TPD52L1: variants seen among roughly 807,000 people sequenced by gnomAD.
TPD52L1 encodes the protein tumor protein D53.
A neutral mutation model predicts 28.7 loss-of-function variants in TPD52L1; 18 were observed. The observed-to-expected ratio is 0.63, with a 90% CI of 0.43 to 0.93. TPD52L1 has a LOEUF of 0.93. Among genes scored for constraint, TPD52L1 ranks in the 40% least tolerant of loss-of-function variants. The pLI is 0.00. For synonymous variants in TPD52L1, 75 were observed against 88.8 expected, an observed-to-expected ratio of 0.84 and a Z score of 0.88; for missense variants, 203 against 254.8, an observed-to-expected ratio of 0.80 and a Z score of 1.39.
intron 2 of TPD52L1, among the ~76,000 whole-genome samples, chr6:125,222,830 C>T (rs1795335719): frequency 6.6e-6 from 1 of 152,166 alleles, no homozygotes; most frequent in Non-Finnish European, 1.5e-5. Flanking sequence ...TCTTTATTCT[C>T]TTACACAAAC....
Position 125,262,548 on chromosome 6 carries a change from G to C in TPD52L1, c.487-286G>C, listed in dbSNP as rs3799722. 229 of 250,828 alleles carry C rather than the reference G, an allele frequency of 9.1e-4. No homozygotes were observed. In the East Asian group the frequency reaches 0.017, roughly 18 times the overall value. 15.5% of individuals were successfully genotyped at this position (250,828 alleles called of 1,614,324 possible). ...TGGAGATAGCTGTTCCAAGTCCATG[G>C]ATCCGATTATGCTCCTGAAGGGATT... On this transcript the variant is annotated intron_variant, in intron 6 of 6. Transcript: ENST00000534000.
chr6:125,214,050 G>A (rs1202934658), intron 1 of TPD52L1, among the ~76,000 whole-genome samples: 1 of 152,154 alleles, frequency 6.6e-6, no homozygotes, highest in Admixed American at 6.5e-5. Context: ...GCTGTAGAAG[G>A]GAGCTACCTA....
At chr6:125,168,519 T>C (rs1464463197) in intron 1 of TPD52L1, among the ~76,000 whole-genome samples, 3 of 120,986 alleles carry the variant, frequency 2.5e-5, no homozygotes, top group African/African-American at 1.2e-4. Context: ...CCTTCTCAGA[T>C]TTTTTTTTTT....
intron 1 of TPD52L1, among the ~76,000 whole-genome samples, chr6:125,204,809 G>A (rs1283689461): frequency 1.3e-5 from 2 of 152,162 alleles, no homozygotes; most frequent in South Asian, 4.1e-4. Flanking sequence ...CATTTGAATA[G>A]TACAAATGTA....
intron 1 of TPD52L1, among the ~76,000 whole-genome samples, chr6:125,210,424 A>T (rs1478392541): frequency 1.3e-5 from 2 of 152,212 alleles, no homozygotes. Flanking sequence ...CAGTCCATTA[A>T]GCAATAGCCA....
At chr6:125,163,751 C>A (rs534887699) in intron 1 of TPD52L1, among the ~76,000 whole-genome samples, 10 of 150,754 alleles carry the variant, frequency 6.6e-5, no homozygotes, top group Non-Finnish European at 1.3e-4. Flanking sequence ...CATCGTGAAA[C>A]CCCCTCTCTA....
At chr6:125,220,621 A>G (rs990340758) in intron 2 of TPD52L1, among the ~76,000 whole-genome samples, 6 of 152,200 alleles carry the variant, frequency 3.9e-5, no homozygotes, top group Admixed American at 3.9e-4. Flanking sequence ...TTTTAAATGA[A>G]AAAGTCAATC....
At chr6:125,170,283 C>T (rs1013716256) in intron 1 of TPD52L1, among the ~76,000 whole-genome samples, 1 of 151,962 alleles carries the variant, frequency 6.6e-6, no homozygotes, top group Admixed American at 6.5e-5. Context: ...AAGGATGTGA[C>T]AAGGGGCAGG....
intron 2 of TPD52L1, among the ~76,000 whole-genome samples, chr6:125,222,426 C>T (rs74665758): frequency 1.0e-3 from 152 of 152,264 alleles, no homozygotes; most frequent in African/African-American, 3.5e-3. Flanking sequence ...TATTAGATGA[C>T]GGCCTTGGAG....
Position 125,153,785 on chromosome 6 carries a change from T to TG in TPD52L1, c.-165dup. 1.5e-6 allele frequency: 1 copy of TG among 681,282 alleles called. No individual in the cohort carries two copies. Among genetic ancestry groups the TG allele is most frequent in the Non-Finnish European group, 2.3e-6 (1 of 431,162 alleles). 42.2% of individuals were successfully genotyped at this position (681,282 alleles called of 1,614,324 possible). On this transcript the variant is annotated 5_prime_UTR_variant, in exon 1 of 7. Transcript: ENST00000534000. ...GGCGGAGGTAACCAGAAGCGGCTAG[T>TG]GGCGGCTGCCTGCGTCCCCAACCCC...
Position 125,262,945 on chromosome 6 carries a change from G to A in TPD52L1, c.598G>A (p.Glu200Lys). Residue 200 changes from glutamate to lysine, a missense_variant, in exon 7 of 7, where the codon GAG (glutamate) becomes AAG (lysine). Coordinates refer to ENST00000534000, the MANE Select transcript of TPD52L1 (RefSeq NM_003287.4). ...LAGGSRRTKE[E>K]ELQC is the part of the protein sequence containing the mutation. ...AGGAGGCTCCCGGCGGACCAAGGAG[G>A]AGGAGCTGCAGTGCTAAGTCCAGCC... 1 of 1,613,948 alleles carries A rather than the reference G, an allele frequency of 6.2e-7. No individual in the cohort carries two copies. The highest frequency in any genetic ancestry group is 8.5e-7 in the Non-Finnish European group (1 of 1,179,944).
At chr6:125,210,142 C>T (rs1305330462) in intron 1 of TPD52L1, among the ~76,000 whole-genome samples, 3 of 152,172 alleles carry the variant, frequency 2.0e-5, no homozygotes, top group Non-Finnish European at 4.4e-5. Context: ...AATCAGGCCT[C>T]AGGCCAGGCC....
chr6:125,248,286 A>C lies in TPD52L1; in HGVS notation c.289A>C (p.Lys97Gln). ...GTTGTTCTGTTTTATTTCTAGCTAC[A>C]AGAAAACACATGAAACCCTGAGTCA... ...WHDMQTTTAY[K>Q]KTHETLSHAG... The change falls in exon 4 of 7, where the codon AAG becomes CAG. Residue 97 changes from lysine (K) to glutamine (Q), a missense_variant. Transcript: ENST00000534000. 1 of 1,613,766 alleles carries C rather than the reference A, an allele frequency of 6.2e-7. No homozygotes were observed. Among genetic ancestry groups the C allele is most frequent in the Non-Finnish European group, 8.5e-7 (1 of 1,179,714 alleles).
intron 1 of TPD52L1, among the ~76,000 whole-genome samples, chr6:125,183,382 G>C (rs1792352781): frequency 6.6e-6 from 1 of 152,194 alleles, no homozygotes; most frequent in Admixed American, 6.5e-5. Context: ...GGGAGGCTGA[G>C]GCAGAAGAAT....
intron 3 of TPD52L1, among the ~76,000 whole-genome samples, chr6:125,237,086 G>T (rs976116722): frequency 7.9e-5 from 12 of 152,170 alleles, no homozygotes; most frequent in African/African-American, 2.7e-4. Flanking sequence ...AGGCTGGAAG[G>T]TCTGGAGCAG....
At chr6:125,221,579 A>G (rs1383792939) in intron 2 of TPD52L1, among the ~76,000 whole-genome samples, 1 of 152,236 alleles carries the variant, frequency 6.6e-6, no homozygotes, top group African/African-American at 2.4e-5. Context: ...TGGGGTATAC[A>G]TACATACATA....
chr6:125,246,050 G>T (rs553223584), intron 3 of TPD52L1, among the ~76,000 whole-genome samples: 38 of 152,316 alleles, frequency 2.5e-4, no homozygotes, highest in African/African-American at 8.9e-4. Context: ...CTGCCTTCCT[G>T]GAGGCGCTCT....
At chr6:125,198,447 A>G (rs1274566959) in intron 1 of TPD52L1, among the ~76,000 whole-genome samples, 2 of 152,154 alleles carry the variant, frequency 1.3e-5, no homozygotes. Flanking sequence ...ACTTGCATGC[A>G]TGGGGTAAGA....
At chr6:125,232,458 A>G (rs1387869349) in intron 3 of TPD52L1, among the ~76,000 whole-genome samples, 2 of 152,104 alleles carry the variant, frequency 1.3e-5, no homozygotes, top group African/African-American at 4.8e-5. Flanking sequence ...CCAGGACAAA[A>G]TCTGCACCTC....
Sources: allele counts gnomAD v4.1 joint callset (sites outside exome capture counted in the v4.1 genomes callset), GRCh38; gene constraint gnomAD v4.1.1; transcripts MANE v1.5; gene names NCBI Gene and HGNC (gene_info 2026-07-23, HGNC 2026-07-21).